The following NALF1 variants were observed in gnomAD, a reference collection of about 807,000 sequenced individuals.
The protein encoded by NALF1 is family with sequence similarity 155 member A.
NALF1 carries 3 observed loss-of-function variants against 48.4 expected under a neutral mutation model. That is an observed-to-expected ratio of 0.06 (90% CI 0.03 to 0.16). The LOEUF (loss-of-function observed/expected upper bound fraction) is 0.16, where lower values mean the gene tolerates loss of function less well. Ranked by LOEUF, NALF1 falls within the 10% of genes least tolerant of loss-of-function variation. The pLI is 1.00. For missense variants in NALF1, 526 were observed against 571.5 expected (o/e 0.92, Z 0.81); for synonymous variants, 262 against 245.7 (o/e 1.07, Z -0.62).
At chr13:107,434,493 T>C (rs1247927002) in intron 1 of NALF1, among the ~76,000 whole-genome samples, 2 of 152,220 alleles carry the variant, frequency 1.3e-5, no homozygotes, top group African/African-American at 4.8e-5. Flanking sequence ...TTACACTCAG[T>C]TTATTTTGCC....
At chr13:107,738,884 A>T (rs950282743) in intron 1 of NALF1, among the ~76,000 whole-genome samples, 1 of 152,126 alleles carries the variant, frequency 6.6e-6, no homozygotes, top group African/African-American at 2.4e-5. Flanking sequence ...GGCTGGTCTC[A>T]AACTCCCGAC....
At chr13:107,338,293 T>A (rs1882598609) in intron 1 of NALF1, among the ~76,000 whole-genome samples, 1 of 152,198 alleles carries the variant, frequency 6.6e-6, no homozygotes, top group South Asian at 2.1e-4. Context: ...AAGTACCTTT[T>A]ACGTGGTTGG....
At position 107,439,650 on chromosome 13, in the gene NALF1, T is replaced by G. The variant is rs987286729; in HGVS notation, c.916-228895A>C. On this transcript the variant is annotated intron_variant, in intron 1 of 2. Transcript: ENST00000375915. Reference sequence around the variant, plus strand: ...TTATCTTTCTCTAATTAGATAGATCTCATTGATCTGAAAAACTCTCAAATT... The same window carrying G: ...TTATCTTTCTCTAATTAGATAGATCGCATTGATCTGAAAAACTCTCAAATT... 3.3e-5 allele frequency among the ~76,000 whole-genome samples: 5 copies of G among 152,324 alleles called. No individual in the cohort carries two copies. In the East Asian group the frequency reaches 5.8e-4, roughly 18 times the overall value.
At chr13:107,195,501 A>C (rs1879371011) in intron 2 of NALF1, among the ~76,000 whole-genome samples, 1 of 152,164 alleles carries the variant, frequency 6.6e-6, no homozygotes, top group Non-Finnish European at 1.5e-5. Context: ...TCACGTCTGT[A>C]AGTTTGTGAT....
rs146309905 is a variant in NALF1, at chr13:107,677,543, CTAAATT to C, written c.915+188133_915+188138del. On this transcript the variant is annotated intron_variant, in intron 1 of 2. Coordinates refer to ENST00000375915, the MANE Select transcript of NALF1 (RefSeq NM_001080396.3). ...TATTTATAATACCTAAAAATCAAAA[CTAAATT>C]TAATGTTCAGAAACAGGAGAATAAA... Among the ~76,000 whole-genome samples the C allele has an allele frequency of 0.02, 3,013 of 152,142 alleles. 194 individuals are homozygous for C. The East Asian group carries it at 0.23, about 12-fold the overall frequency.
At chr13:107,260,757 C>A (rs1187777591) in intron 1 of NALF1, among the ~76,000 whole-genome samples, 1 of 152,220 alleles carries the variant, frequency 6.6e-6, no homozygotes, top group Non-Finnish European at 1.5e-5. Context: ...TGCTAGCTAT[C>A]TGTGGCTGAC....
chr13:107,531,154 T>C (rs1412545728), intron 1 of NALF1: 1 of 167,516 alleles, frequency 6.0e-6, no homozygotes, highest in African/African-American at 2.4e-5. Context: ...TGACCACTGA[T>C]GGAGTCCGGA....
intron 1 of NALF1, among the ~76,000 whole-genome samples, chr13:107,294,004 C>T (rs752930494): frequency 2.0e-5 from 3 of 152,208 alleles, no homozygotes; most frequent in African/African-American, 4.8e-5. Context: ...ATGTTAGCTA[C>T]GTCTCTAGAT....
At chr13:107,266,391 C>G (rs927817442) in intron 1 of NALF1, among the ~76,000 whole-genome samples, 1 of 152,140 alleles carries the variant, frequency 6.6e-6, no homozygotes, top group Admixed American at 6.6e-5. Flanking sequence ...GTGTACACCC[C>G]ACCTGGAAAA....
In NALF1 at chr13:107,711,733, C is replaced by T. The variant is rs72657212; in HGVS notation, c.915+153949G>A. ...GAAATATCTTATTAATCTATGACAA[C>T]AATAGGGTATTCAGCAGAAATTTCA... On this transcript the variant is annotated intron_variant, in intron 1 of 2. Coordinates refer to ENST00000375915, the MANE Select transcript of NALF1 (RefSeq NM_001080396.3). 9.2e-3 allele frequency among the ~76,000 whole-genome samples: 1,405 copies of T among 152,292 alleles called. 16 individuals are homozygous for T. The highest frequency in any genetic ancestry group is 0.014 in the Non-Finnish European group (951 of 68,022).
intron 2 of NALF1, among the ~76,000 whole-genome samples, chr13:107,203,068 A>C (rs1473951281): frequency 6.6e-6 from 1 of 152,232 alleles, no homozygotes; most frequent in Non-Finnish European, 1.5e-5. Flanking sequence ...AACAGCTACC[A>C]AGTGGGCATA....
intron 2 of NALF1, among the ~76,000 whole-genome samples, chr13:107,200,204 C>A (rs554901505): frequency 1.3e-5 from 2 of 152,308 alleles, no homozygotes; most frequent in African/African-American, 2.4e-5. Context: ...GCTCTAAACT[C>A]CCCCTTGGGG....
chr13:107,608,945 A>T (rs1049063238), intron 1 of NALF1, among the ~76,000 whole-genome samples: 1 of 152,176 alleles, frequency 6.6e-6, no homozygotes, highest in Non-Finnish European at 1.5e-5. Flanking sequence ...GGCACCAGGG[A>T]TGGTGCCGAG....
rs187191727 is a variant in NALF1 at position 107,537,742 on chromosome 13, G to T, written c.916-326987C>A. On this transcript the variant is annotated intron_variant, in intron 1 of 2. Transcript: ENST00000375915. ...CCAAATTCTTCAAACTTTCAGATGG[G>T]CATGGTGGCTCATGCCTATAATCCC... Among the ~76,000 whole-genome samples, 13 of 152,234 alleles carry T rather than the reference G, an allele frequency of 8.5e-5. No individual in the cohort carries two copies. In the East Asian group the frequency reaches 2.3e-3, roughly 27 times the overall value.
chr13:107,388,753 G>T (rs1369781387), intron 1 of NALF1, among the ~76,000 whole-genome samples: 7 of 152,188 alleles, frequency 4.6e-5, no homozygotes, highest in East Asian at 1.9e-4. Flanking sequence ...TGCAGAATGT[G>T]GGGGAGCCTA....
intron 1 of NALF1, among the ~76,000 whole-genome samples, chr13:107,251,039 A>C (rs767300524): frequency 1.3e-5 from 2 of 152,168 alleles, no homozygotes; most frequent in Non-Finnish European, 2.9e-5. Context: ...TGAACTACCC[A>C]GTCTCAGGTA....
At chr13:107,525,545 G>T (rs1876402250) in intron 1 of NALF1, among the ~76,000 whole-genome samples, 1 of 152,130 alleles carries the variant, frequency 6.6e-6, no homozygotes, top group Non-Finnish European at 1.5e-5. Context: ...GTTGGTCCCA[G>T]TTTGGGGGCA....
chr13:107,250,148 T>A (rs1224999132), intron 1 of NALF1, among the ~76,000 whole-genome samples: 1 of 151,592 alleles, frequency 6.6e-6, no homozygotes, highest in Non-Finnish European at 1.5e-5. Flanking sequence ...GGTTCAGAAG[T>A]ACAGACGACA....
chr13:107,277,809 T>A (rs547470759), intron 1 of NALF1, among the ~76,000 whole-genome samples: 1 of 152,330 alleles, frequency 6.6e-6, no homozygotes, highest in South Asian at 2.1e-4. Flanking sequence ...CCTATAAGCA[T>A]CAAATCAACA....
Sources: gnomAD v4.1 joint callset for allele counts (sites outside exome capture counted in the v4.1 genomes callset) on GRCh38, gnomAD v4.1.1 for gene constraint, MANE v1.5 for transcripts, NCBI Gene and HGNC (gene_info 2026-07-23, HGNC 2026-07-21) for gene names.